CHSY3: variants seen among roughly 807,000 people sequenced by gnomAD.
CHSY3 encodes chondroitin sulfate synthase 3.
In CHSY3, 35 loss-of-function variants were observed where a neutral mutation model predicts 67.2. The ratio of observed to expected loss-of-function variants is 0.52; its 90% CI spans 0.40 to 0.69. The LOEUF is 0.69. CHSY3 is among the 30% of genes least tolerant of loss of function. The pLI, the probability that CHSY3 is intolerant of heterozygous loss-of-function variation, is 0.00. For synonymous variants in CHSY3, 474 were observed against 434.7 expected, an observed-to-expected ratio of 1.09 and a Z score of -1.12; for missense variants, 1,069 against 1,138.5, an observed-to-expected ratio of 0.94 and a Z score of 0.88.
chr5:130,125,539 G>A (rs962529690), intron 2 of CHSY3, among the ~76,000 whole-genome samples: 4 of 152,136 alleles, frequency 2.6e-5, no homozygotes, highest in African/African-American at 9.7e-5. Context: ...CAAGAGTAAG[G>A]GTTGGAAATG....
At chr5:130,071,853 A>G (rs1452702090) in intron 2 of CHSY3, among the ~76,000 whole-genome samples, 1 of 151,974 alleles carries the variant, frequency 6.6e-6, no homozygotes, top group Non-Finnish European at 1.5e-5. Context: ...CATTCTTACT[A>G]ACATTGGTTA....
chr5:129,997,050 G>A (rs537602222), intron 2 of CHSY3, among the ~76,000 whole-genome samples: 8 of 149,972 alleles, frequency 5.3e-5, no homozygotes, highest in Non-Finnish European at 1.2e-4. Context: ...CTCATTTTTG[G>A]ATTAACTTTG....
intron 2 of CHSY3, among the ~76,000 whole-genome samples, chr5:129,978,248 A>G (rs1455894826): frequency 6.6e-6 from 1 of 152,186 alleles, no homozygotes; most frequent in Non-Finnish European, 1.5e-5. Context: ...TGACATTTAT[A>G]AAGTAATATT....
intron 2 of CHSY3, among the ~76,000 whole-genome samples, chr5:130,126,916 T>G (rs187686460): frequency 9.8e-5 from 15 of 152,304 alleles, no homozygotes; most frequent in Admixed American, 9.8e-4. Flanking sequence ...TCTGAACAGA[T>G]GCAGGCAAGG....
intron 2 of CHSY3, among the ~76,000 whole-genome samples, chr5:130,076,364 G>A (rs751971718): frequency 3.4e-5 from 5 of 146,558 alleles, no homozygotes; most frequent in Admixed American, 6.8e-5. Context: ...CCACTTTTGC[G>A]GTCTTATCAC....
At chr5:129,953,115 T>C (rs752380517) in intron 2 of CHSY3, among the ~76,000 whole-genome samples, 20 of 152,190 alleles carry the variant, frequency 1.3e-4, no homozygotes, top group Non-Finnish European at 2.9e-5. Flanking sequence ...TTTCTCCTAA[T>C]GCTATCCCTC....
At chr5:130,071,438 A>G (rs1435109498) in intron 2 of CHSY3, among the ~76,000 whole-genome samples, 2 of 152,018 alleles carry the variant, frequency 1.3e-5, no homozygotes, top group African/African-American at 4.8e-5. Flanking sequence ...TAAATGAGTG[A>G]AAAGACTCAT....
At chr5:130,019,185 T>C (rs1561499555) in intron 2 of CHSY3, among the ~76,000 whole-genome samples, 1 of 152,126 alleles carries the variant, frequency 6.6e-6, no homozygotes, top group Non-Finnish European at 1.5e-5. Flanking sequence ...CTCACTTAAA[T>C]AACTAATTTT....
intron 2 of CHSY3, among the ~76,000 whole-genome samples, chr5:130,047,996 C>T (rs758478662): frequency 6.0e-5 from 9 of 150,272 alleles, no homozygotes; most frequent in East Asian, 1.9e-4. Context: ...CTATTTTGCA[C>T]GCGTGGCTGT....
intron 2 of CHSY3, among the ~76,000 whole-genome samples, chr5:130,091,086 G>T (rs984317238): frequency 1.3e-5 from 2 of 150,928 alleles, no homozygotes; most frequent in Non-Finnish European, 2.9e-5. Context: ...AAAGCACCAG[G>T]TCTGCTGTTT....
At chr5:129,987,942 C>T (rs1299477988) in intron 2 of CHSY3, among the ~76,000 whole-genome samples, 3 of 152,042 alleles carry the variant, frequency 2.0e-5, no homozygotes, top group African/African-American at 7.2e-5. Context: ...TCAAATCATT[C>T]TTAAAATCTT....
chr5:129,918,428 A>AT (rs1264951541), intron 2 of CHSY3, among the ~76,000 whole-genome samples: 1 of 152,156 alleles, frequency 6.6e-6, no homozygotes, highest in African/African-American at 2.4e-5. Context: ...AACTTTTTAG[A>AT]TTTTTTAAAA....
intron 2 of CHSY3, among the ~76,000 whole-genome samples, chr5:130,104,898 C>A (rs959736651): frequency 6.6e-6 from 1 of 151,608 alleles, no homozygotes; most frequent in Non-Finnish European, 1.5e-5. Flanking sequence ...ATGTAATTGG[C>A]AACTGCTTTC....
chr5:130,146,585 A>G (rs1034118445), intron 2 of CHSY3, among the ~76,000 whole-genome samples: 10 of 152,140 alleles, frequency 6.6e-5, no homozygotes, highest in Non-Finnish European at 1.3e-4. Flanking sequence ...GATATTATAC[A>G]TTATGAAATA....
chr5:130,092,564 C>A (rs1014926710), intron 2 of CHSY3, among the ~76,000 whole-genome samples: 3 of 152,140 alleles, frequency 2.0e-5, no homozygotes, highest in African/African-American at 7.2e-5. Flanking sequence ...TTTTAATGTA[C>A]CCAAGAAGTT....
chr5:129,905,868 C>G, intron 1 of CHSY3: 4 of 904,270 alleles, frequency 4.4e-6, no homozygotes, highest in Non-Finnish European at 4.7e-6. Flanking sequence ...GCCTTCCTCA[C>G]TTGCTGTTTT....
At chr5:130,044,975 GT>G (rs1029087074) in intron 2 of CHSY3, among the ~76,000 whole-genome samples, 2 of 152,080 alleles carry the variant, frequency 1.3e-5, no homozygotes, top group African/African-American at 4.8e-5. Context: ...GGCATAAGTA[GT>G]TTTTTGTTTT....
chr5:129,977,884 C>G (rs769342073), intron 2 of CHSY3, among the ~76,000 whole-genome samples: 5 of 145,442 alleles, frequency 3.4e-5, no homozygotes, highest in Non-Finnish European at 7.6e-5. Flanking sequence ...AAAAAAAAAA[C>G]TAATAGCTTA....
intron 2 of CHSY3, among the ~76,000 whole-genome samples, chr5:130,019,365 C>A (rs1764300977): frequency 6.6e-6 from 1 of 152,090 alleles, no homozygotes; most frequent in South Asian, 2.1e-4. Context: ...ACTCCATCAC[C>A]CAGCCCAGAA....
Sources: gnomAD v4.1 joint callset for allele counts (sites outside exome capture counted in the v4.1 genomes callset) on GRCh38, gnomAD v4.1.1 for gene constraint, MANE v1.5 for transcripts, NCBI Gene and HGNC (gene_info 2026-07-23, HGNC 2026-07-21) for gene names.